Variants in GFOD2 observed in about 807,000 individuals in gnomAD.
The protein encoded by GFOD2 is Gfo/Idh/MocA-like oxidoreductase domain containing 2, also known as glucose-fructose oxidoreductase domain-containing protein 2.
In GFOD2, 9 loss-of-function variants were observed where a neutral mutation model predicts 24.6. The ratio of observed to expected loss-of-function variants is 0.37; its 90% CI spans 0.22 to 0.64. The LOEUF (loss-of-function observed/expected upper bound fraction) is 0.64. GFOD2 is among the 30% of genes least tolerant of loss of function. The pLI is 0.65. For synonymous variants in GFOD2, 211 were observed against 224.8 expected (o/e 0.94, Z 0.55); for missense variants, 476 against 532.5 (o/e 0.89, Z 1.04).
intron 1 of GFOD2, among the ~76,000 whole-genome samples, chr16:67,712,999 C>T (rs914010972): frequency 7.4e-6 from 1 of 135,048 alleles, no homozygotes; most frequent in East Asian, 2.0e-4. Context: ...TTTCCTGCCT[C>T]AGCCTCCTGA....
intron 2 of GFOD2, among the ~76,000 whole-genome samples, chr16:67,679,770 C>T (rs533241943): frequency 1.4e-4 from 22 of 151,948 alleles, no homozygotes; most frequent in African/African-American, 5.1e-4. Context: ...GCCTGTAATC[C>T]CAGCTACTCA....
intron 1 of GFOD2, among the ~76,000 whole-genome samples, chr16:67,705,814 C>A (rs998795736): frequency 1.3e-5 from 2 of 151,492 alleles, no homozygotes; most frequent in African/African-American, 4.8e-5. Context: ...GTGGCAGATG[C>A]CTGTAGTCCC....
At chr16:67,676,781 C>CGCTGCA (rs1451416713) in intron 2 of GFOD2, 5 of 152,196 alleles carry the variant, frequency 3.3e-5, no homozygotes, top group African/African-American at 1.2e-4. Context: ...ATTCTGGGTA[C>CGCTGCA]GCTGCAGCCA....
rs534852311 is a variant in GFOD2, at chr16:67,713,239, T to A, written c.-88+5924A>T. 7.8e-4 allele frequency among the ~76,000 whole-genome samples: 119 copies of A among 152,192 alleles called. 1 individual carries two copies. The highest frequency in any genetic ancestry group is 2.9e-3 in the South Asian group (14 of 4,832). ...AGTTTTATGGGTTACATAACAGGTA[T>A]GTCATTGTGAAAGTGGAAAGACAAA... On this transcript the variant is annotated intron_variant, in intron 1 of 2. Coordinates refer to ENST00000268797, the MANE Select transcript of GFOD2 (RefSeq NM_030819.4).
chr16:67,700,236 A>C lies in GFOD2; in HGVS notation c.-87-14434T>G, dbSNP rs2053391799. Among the ~76,000 whole-genome samples, 5 of 152,170 alleles carry C rather than the reference A, an allele frequency of 3.3e-5. No homozygotes were observed. In the South Asian group the frequency reaches 1.0e-3, roughly 32 times the overall value. The stretch of plus-strand genomic sequence containing the variant: ...TAAAATACAAAAAAATTAGCCGGTC[A>C]TGACAGTATGTGCCTGTAGTCTCAG... On this transcript the variant is annotated intron_variant, in intron 1 of 2. Coordinates refer to ENST00000268797, the MANE Select transcript of GFOD2 (RefSeq NM_030819.4).
chr16:67,695,829 C>T (rs2053354533), intron 1 of GFOD2, among the ~76,000 whole-genome samples: 1 of 152,054 alleles, frequency 6.6e-6, no homozygotes, highest in African/African-American at 2.4e-5. Context: ...AGCCACTGTG[C>T]CCAGCCAAAT....
intron 1 of GFOD2, among the ~76,000 whole-genome samples, chr16:67,699,138 T>C (rs2053380443): frequency 6.6e-6 from 1 of 151,910 alleles, no homozygotes; most frequent in South Asian, 2.1e-4. Context: ...GTTAGGAGAT[T>C]GAGACCATCC....
At chr16:67,677,485 A>G (rs993592191) in intron 2 of GFOD2, 6 of 152,198 alleles carry the variant, frequency 3.9e-5, no homozygotes, top group Admixed American at 2.0e-4. Context: ...TGCTGGGATT[A>G]AGGCATGAGC....
intron 2 of GFOD2, 44 bp from the exon 3 acceptor site, chr16:67,676,097 A>G (rs2053183464): frequency 6.6e-7 from 1 of 1,519,424 alleles, no homozygotes; most frequent in Non-Finnish European, 8.9e-7. Context: ...TTCAAGGGGG[A>G]ATCTCCAGCA....
Position 67,685,736 on chromosome 16 carries a change from A to G in GFOD2, c.-21T>C, listed in dbSNP as rs1483909307. 1.2e-6 allele frequency: 2 copies of G among 1,600,092 alleles called. No homozygotes were observed. The highest frequency in any genetic ancestry group is 1.7e-6 in the Non-Finnish European group (2 of 1,174,808). ...TTCATCCCAGCCTCTCTCTTTACCA[A>G]CTCATCTCCTCACAAGAGCCTCTGG... On this transcript the variant is annotated 5_prime_UTR_variant, in exon 2 of 3. Coordinates refer to ENST00000268797, the MANE Select transcript of GFOD2 (RefSeq NM_030819.4).
chr16:67,675,655 C>T lies in GFOD2; in HGVS notation c.658G>A (p.Asp220Asn), dbSNP rs760542062. 2 of 1,613,292 alleles carry T rather than the reference C, an allele frequency of 1.2e-6. No individual in the cohort carries two copies. The highest frequency in any genetic ancestry group is 2.2e-5 in the South Asian group (2 of 91,092). The change falls in exon 3 of 3, where the codon GAT becomes AAT. Residue 220 changes from aspartate to asparagine, a missense_variant. Coordinates refer to ENST00000268797, the MANE Select transcript of GFOD2 (RefSeq NM_030819.4). ...AGCATCTGGAAGAAACAGAAGTCAT[C>T]GCTAGTGACGTGCCGGATGCCACGG... ...AIRGIRHVTSDDFCFFQMLMG... is the reference protein window; with the variant it reads ...AIRGIRHVTSNDFCFFQMLMG...
At chr16:67,685,912 GT>G (rs2142993840) in intron 1 of GFOD2, 110 bp from the exon 2 acceptor site, 1 of 600,928 alleles carries the variant, frequency 1.7e-6, no homozygotes, top group East Asian at 2.8e-5. Flanking sequence ...CTGGAGTGCA[GT>G]GGTGCGAAGG....
intron 1 of GFOD2, among the ~76,000 whole-genome samples, chr16:67,692,462 C>T (rs1161883522): frequency 6.6e-6 from 1 of 151,898 alleles, no homozygotes; most frequent in African/African-American, 2.4e-5. Flanking sequence ...CGCCTGTAGT[C>T]CCAGCTACTC....
chr16:67,684,838 C>T (rs2053254043), intron 2 of GFOD2: 1 of 987,886 alleles, frequency 1.0e-6, no homozygotes, highest in Non-Finnish European at 1.2e-6. Context: ...AGGAGAACAG[C>T]TCAGCAGGCC....
chr16:67,674,875 C>T lies in GFOD2; in HGVS notation c.*280G>A. ...AGGCTGAAGGGCTCCCCAGGGTGAGCCTTTCCTGGTCCGACTCACTGGCAT... is the reference window on the plus strand; with the variant it reads ...AGGCTGAAGGGCTCCCCAGGGTGAGTCTTTCCTGGTCCGACTCACTGGCAT... On this transcript the variant is annotated 3_prime_UTR_variant, in exon 3 of 3. Transcript: ENST00000268797. 1 of 437,190 alleles carries T rather than the reference C, an allele frequency of 2.3e-6. No homozygotes were observed. The highest frequency in any genetic ancestry group is 4.1e-6 in the Non-Finnish European group (1 of 243,128). 27.1% of individuals were successfully genotyped at this position (437,190 alleles called of 1,614,324 possible).
intron 1 of GFOD2, among the ~76,000 whole-genome samples, chr16:67,688,504 T>C (rs1310300237): frequency 6.6e-6 from 1 of 152,128 alleles, no homozygotes; most frequent in East Asian, 1.9e-4. Flanking sequence ...GGGATCAATG[T>C]CGTGGGAAAA....
chr16:67,681,687 G>T, intron 2 of GFOD2: 1 of 979,118 alleles, frequency 1.0e-6, no homozygotes, highest in Non-Finnish European at 1.2e-6. Flanking sequence ...TGGATTAGAG[G>T]TGTGAGGCAC....
intron 1 of GFOD2, among the ~76,000 whole-genome samples, chr16:67,696,601 G>C (rs2053361271): frequency 6.6e-6 from 1 of 151,664 alleles, no homozygotes. Context: ...AGCCTCCCGA[G>C]TAGCTGGGAC....
intron 1 of GFOD2, among the ~76,000 whole-genome samples, chr16:67,707,550 CA>C (rs1244382025): frequency 3.3e-5 from 5 of 151,908 alleles, no homozygotes; most frequent in Admixed American, 2.0e-4. Context: ...AAAATAAAAA[CA>C]TAAGTCCACA....
Sources: allele counts gnomAD v4.1 joint callset (sites outside exome capture counted in the v4.1 genomes callset), GRCh38; gene constraint gnomAD v4.1.1; transcripts MANE v1.5; gene names NCBI Gene and HGNC (gene_info 2026-07-23, HGNC 2026-07-21).